The following CCNL1 variants were observed in gnomAD, a reference collection of about 807,000 sequenced individuals.
The protein encoded by CCNL1 is cyclin L1, also known as cyclin-L1.
A neutral mutation model predicts 60.6 loss-of-function variants in CCNL1; 13 were observed. The observed-to-expected ratio is 0.21, with a 90% CI of 0.14 to 0.34. CCNL1 has a LOEUF of 0.34. CCNL1 is among the 10% of genes least tolerant of loss of function. The pLI is 1.00. For synonymous variants in CCNL1, 270 were observed against 244.3 expected (o/e 1.10, Z -0.98); for missense variants, 481 against 664.3 (o/e 0.72, Z 3.03).
At position 157,159,378 on chromosome 3, in the gene CCNL1, C is replaced by T. The variant is rs1459884042; in HGVS notation, c.378+27G>A. ...CTGCCCATTTCCGGATGAAGAAATC[C>T]CTTTTACCCGCCTCCGCTGTGCTTA... On this transcript the variant is annotated intron_variant, in intron 2 of 10. Transcript: ENST00000295926. 5 of 1,610,088 alleles carry T rather than the reference C, an allele frequency of 3.1e-6. No homozygotes were observed. In the East Asian group the frequency reaches 6.7e-5, roughly 22 times the overall value.
chr3:157,149,925 T>C lies in CCNL1; in HGVS notation c.932A>G (p.Gln311Arg). Residue 311 changes from glutamine (Q) to arginine (R), a missense_variant, in exon 8 of 11, where the codon CAA becomes CGA. Physicochemically the swap from Gln to Arg is conservative, Grantham distance 43. Coordinates refer to ENST00000295926, the MANE Select transcript of CCNL1 (RefSeq NM_020307.4). ...TCCCTTTGCTTTTAATTTGGCTTCT[T>C]GTAAGGCTACTTTTCTTTTTTCTAC... ...KEVEKRKVAL[Q>R]EAKLKAKGLN... The C allele has an allele frequency of 6.2e-7, 1 of 1,614,144 alleles. No homozygotes were observed. Among genetic ancestry groups the C allele is most frequent in the South Asian group, 1.1e-5 (1 of 91,076 alleles).
Position 157,149,595 on chromosome 3 carries a change from T to C in CCNL1, c.1023A>G (p.Ser341=). 1 of 1,611,722 alleles carries C rather than the reference T, an allele frequency of 6.2e-7. No individual in the cohort carries two copies. The highest frequency in any genetic ancestry group is 8.5e-7 in the Non-Finnish European group (1 of 1,178,816). ...LGGFSPASKP[S]SPREVKAEEK... ...CTTCAGCTTTTACTTCTCTTGGTGA[T>C]GCTTTTAAAAGATATAATAACAACA... Residue 341 remains serine, a splice_region_variant and synonymous_variant, in exon 9 of 11, where the codon TCA becomes TCG. Coordinates refer to ENST00000295926, the MANE Select transcript of CCNL1 (RefSeq NM_020307.4).
chr3:157,159,327 A>T, intron 2 of CCNL1, 78 bp downstream of exon 2: 2 of 1,344,360 alleles, frequency 1.5e-6, no homozygotes, highest in Non-Finnish European at 2.1e-6. Flanking sequence ...TTTCTGGAAA[A>T]GCTGGCTGCT....
intron 3 of CCNL1, among the ~76,000 whole-genome samples, chr3:157,155,625 C>A (rs547943129): frequency 2.0e-5 from 3 of 152,086 alleles, no homozygotes; most frequent in African/African-American, 7.2e-5. Flanking sequence ...ACGGTGCACA[C>A]GTAATTTACA....
intron 3 of CCNL1, 63 bp from the exon 4 acceptor site, chr3:157,153,219 A>G: frequency 6.5e-7 from 1 of 1,549,544 alleles, no homozygotes; most frequent in Non-Finnish European, 8.7e-7. Flanking sequence ...TATTTGTGGC[A>G]TCTCCATTTT....
intron 4 of CCNL1, chr3:157,152,693 A>G: frequency 1.8e-6 from 2 of 1,116,922 alleles, no homozygotes; most frequent in Non-Finnish European, 2.2e-6. Flanking sequence ...TATGATGATA[A>G]GTGTGCCAGA....
Position 157,148,123 on chromosome 3 carries a change from G to C in CCNL1, c.*118C>G. 1 of 1,457,136 alleles carries C rather than the reference G, an allele frequency of 6.9e-7. No homozygotes were observed. The highest frequency in any genetic ancestry group is 2.8e-5 in the Admixed American group (1 of 35,788). The allele number at this position is 1,457,136 out of a possible 1,614,324, so 90.3% of individuals were successfully genotyped here. A position where few individuals can be genotyped will look rare whatever the true frequency, so the allele number is the denominator to read the frequency against. On this transcript the variant is annotated 3_prime_UTR_variant, in exon 11 of 11. Transcript: ENST00000295926. Reference sequence around the variant, plus strand: ...CTGTCCTCAGTGTTCTAGAGACCTAGAGGGTTTCAAGAAATCAAATCCTAA... The same window carrying C: ...CTGTCCTCAGTGTTCTAGAGACCTACAGGGTTTCAAGAAATCAAATCCTAA...
intron 3 of CCNL1, among the ~76,000 whole-genome samples, chr3:157,158,172 T>C (rs777611893): frequency 3.9e-5 from 6 of 152,240 alleles, no homozygotes; most frequent in Non-Finnish European, 8.8e-5. Context: ...TAGGAGATAC[T>C]ATTTCAGTCT....
rs777374443 is a variant in CCNL1, at chr3:157,148,320, C to T, written c.1502G>A (p.Arg501Gln). The T allele has an allele frequency of 1.1e-5, 18 of 1,614,186 alleles. No individual in the cohort carries two copies. Among genetic ancestry groups the T allele is most frequent in the South Asian group, 1.1e-4 (10 of 91,086 alleles). Residue 501 changes from arginine to glutamine, a missense_variant, in exon 11 of 11, where the codon CGA (arginine) becomes CAA (glutamine). Arg to Gln is a conservative substitution (Grantham distance 43). Transcript: ENST00000295926. Reference protein sequence around the residue: ...ERGHHRDRRERSRSFERSHKS... With the variant: ...ERGHHRDRREQSRSFERSHKS... ...ATGGGACCTCTCAAAGGAGCGAGAT[C>T]GTTCACGCCTGTCCCTATGATGTCC... is the stretch of plus-strand genomic sequence containing the variant.
intron 2 of CCNL1, 55 bp downstream of exon 2, chr3:157,159,350 A>C (rs1577081682): frequency 2.0e-6 from 3 of 1,534,620 alleles, no homozygotes; most frequent in Admixed American, 3.4e-5. Context: ...CACTACCCCT[A>C]CTCTGCCCAT....
intron 3 of CCNL1, among the ~76,000 whole-genome samples, chr3:157,158,056 C>T (rs1429995320): frequency 2.0e-5 from 3 of 152,216 alleles, no homozygotes; most frequent in Non-Finnish European, 4.4e-5. Flanking sequence ...CATTCTGCAG[C>T]ATGTACTGGA....
At chr3:157,152,023 G>C in intron 5 of CCNL1, 154 bp downstream of exon 5, 1 of 1,449,958 alleles carries the variant, frequency 6.9e-7, no homozygotes, top group Non-Finnish European at 9.1e-7. Context: ...GCAGAAATAA[G>C]CATTATTTAC....
Position 157,148,214 on chromosome 3 carries a change from C to G in CCNL1, c.*27G>C, listed in dbSNP as rs1737880538. The G allele has an allele frequency of 6.3e-7, 1 of 1,598,238 alleles. No homozygotes were observed. Among genetic ancestry groups the G allele is most frequent in the Non-Finnish European group, 8.5e-7 (1 of 1,171,874 alleles). On this transcript the variant is annotated 3_prime_UTR_variant, in exon 11 of 11. Coordinates refer to ENST00000295926, the MANE Select transcript of CCNL1 (RefSeq NM_020307.4). Reference sequence around the variant, plus strand: ...CACTGTAGATAGGCAAAACCAAGAACTGATGCAGGCTCAAAGGAAGAGAAA... The same window carrying G: ...CACTGTAGATAGGCAAAACCAAGAAGTGATGCAGGCTCAAAGGAAGAGAAA...
In CCNL1 at chr3:157,160,119, C is replaced by T. The variant is rs779133091; in HGVS notation, c.-25G>A. 1.5e-5 allele frequency: 23 copies of T among 1,529,030 alleles called. No individual in the cohort carries two copies. The highest frequency in any genetic ancestry group is 1.7e-5 in the Non-Finnish European group (19 of 1,135,572). The allele number at this position is 1,529,030 out of a possible 1,614,324, so 94.7% of individuals were successfully genotyped here. ...TAGTCTTAGCGAGCCGCACGCAAGC[C>T]CAACGCAGCCGGAACCCGAAACAAG... On this transcript the variant is annotated 5_prime_UTR_variant, in exon 1 of 11. Coordinates refer to ENST00000295926, the MANE Select transcript of CCNL1 (RefSeq NM_020307.4).
chr3:157,145,298 C>A (rs932288654), downstream of CCNL1, among the ~76,000 whole-genome samples: 1 of 151,594 alleles, frequency 6.6e-6, no homozygotes, highest in Non-Finnish European at 1.5e-5. Context: ...TTAGCCAGGG[C>A]GTGGTGGCAG....
In CCNL1 at chr3:157,152,055, CA is replaced by C. The variant is rs200759341; in HGVS notation, c.674+121del. 4.3e-3 allele frequency: 6,415 copies of C among 1,484,084 alleles called. 243 individuals carry two copies. In the African/African-American group the frequency reaches 0.082, roughly 19 times the overall value. The allele number at this position is 1,484,084 out of a possible 1,614,324, so 91.9% of individuals were successfully genotyped here. A position where few individuals can be genotyped will look rare whatever the true frequency, so the allele number is the denominator to read the frequency against. On this transcript the variant is annotated intron_variant, in intron 5 of 10. Transcript: ENST00000295926. ...TTACCTTTTGGTTAAAAAAACAAAA[CA>C]AAAAAACAACGAAAAGCCCCAAACA...
intron 4 of CCNL1, chr3:157,152,789 A>C: frequency 4.1e-6 from 5 of 1,223,016 alleles, no homozygotes; most frequent in Non-Finnish European, 5.1e-6. Context: ...CTTTAACCAC[A>C]GAAACAAAAA....
downstream of CCNL1, among the ~76,000 whole-genome samples, chr3:157,143,130 G>A (rs749243136): frequency 2.6e-5 from 4 of 152,036 alleles, no homozygotes; most frequent in Admixed American, 6.6e-5. Context: ...GTGCCCAGCC[G>A]TATTTTTATT....
chr3:157,146,269 G>A (rs539152221), downstream of CCNL1, among the ~76,000 whole-genome samples: 1 of 152,276 alleles, frequency 6.6e-6, no homozygotes, highest in Admixed American at 6.5e-5. Flanking sequence ...TAGCCATAGA[G>A]TGGCATGAGG....
Sources: allele counts gnomAD v4.1 joint callset (sites outside exome capture counted in the v4.1 genomes callset), GRCh38; gene constraint gnomAD v4.1.1; transcripts MANE v1.5; gene names NCBI Gene and HGNC (gene_info 2026-07-23, HGNC 2026-07-21).